TMTC1: variants seen among roughly 807,000 people sequenced by gnomAD.
The protein encoded by TMTC1 is transmembrane O-mannosyltransferase targeting cadherins 1.
Under a neutral mutation model 104.8 loss-of-function variants are expected in TMTC1, and 73 were observed. That is an observed-to-expected ratio of 0.70 (90% CI 0.58 to 0.85). The LOEUF is 0.85. TMTC1 is among the 40% of genes least tolerant of loss of function. The pLI is 0.00. For synonymous variants in TMTC1, 434 were observed against 428.7 expected (o/e 1.01, Z -0.15); for missense variants, 1,035 against 1,096.1 (o/e 0.94, Z 0.79).
In TMTC1 at chr12:29,556,955, C is replaced by T; in HGVS notation, c.1578G>A (p.Leu526=). The change falls in exon 10 of 18, where the codon CTG becomes CTA. Residue 526 remains leucine (L), a synonymous_variant. Transcript: ENST00000539277. ...TCTTTGCCTCTGCTGTGTCTCTCGT[C>T]AGTGTTCCAAGGTTGTTGAGCGCAC... ...HASALNNLGT[L]TRDTAEAKMY... 3 of 1,614,168 alleles carry T rather than the reference C, an allele frequency of 1.9e-6. No homozygotes were observed. Among genetic ancestry groups the T allele is most frequent in the Non-Finnish European group, 2.5e-6 (3 of 1,180,016 alleles).
intron 1 of TMTC1, among the ~76,000 whole-genome samples, chr12:29,772,859 A>T (rs1943625738): frequency 6.6e-6 from 1 of 152,166 alleles, no homozygotes; most frequent in Admixed American, 6.6e-5. Context: ...TTTTTCATAC[A>T]CTATAGGAAA....
intron 5 of TMTC1, among the ~76,000 whole-genome samples, chr12:29,701,157 C>G (rs79375559): frequency 0.055 from 8,408 of 151,928 alleles, 820 homozygotes; most frequent in African/African-American, 0.19. Flanking sequence ...TTTGAAACAC[C>G]AGCCCACAAG....
chr12:29,767,828 G>A (rs1428258340), intron 2 of TMTC1, 70 bp downstream of exon 2: 2 of 1,361,596 alleles, frequency 1.5e-6, no homozygotes, highest in East Asian at 2.4e-5. Flanking sequence ...ATATGTGTGT[G>A]TATACACGTA....
At chr12:29,640,716 G>A (rs1938801432) in intron 5 of TMTC1, 1 of 152,214 alleles carries the variant, frequency 6.6e-6, no homozygotes, top group Admixed American at 6.6e-5. Flanking sequence ...TACACAGAGA[G>A]AAGGAAATCT....
intron 5 of TMTC1, among the ~76,000 whole-genome samples, chr12:29,684,420 C>T (rs1050991839): frequency 6.6e-6 from 1 of 152,114 alleles, no homozygotes; most frequent in Admixed American, 6.5e-5. Context: ...TGACTATATA[C>T]ATCACATTTG....
intron 5 of TMTC1, among the ~76,000 whole-genome samples, chr12:29,719,890 T>G (rs1478663518): frequency 1.3e-5 from 2 of 152,202 alleles, no homozygotes; most frequent in African/African-American, 4.8e-5. Flanking sequence ...AGCTGCAGTA[T>G]TGCCAGAACA....
At chr12:29,753,539 G>C (rs1191216349) in intron 4 of TMTC1, among the ~76,000 whole-genome samples, 1 of 152,218 alleles carries the variant, frequency 6.6e-6, no homozygotes, top group Non-Finnish European at 1.5e-5. Context: ...GTAAAATGAG[G>C]ATAAAGATTG....
chr12:29,532,723 G>A (rs530084615), intron 11 of TMTC1: 8 of 151,808 alleles, frequency 5.3e-5, no homozygotes, highest in South Asian at 4.2e-4. Flanking sequence ...GGATGTATAC[G>A]TTATTTTCTC....
At chr12:29,735,086 A>C (rs898150665) in intron 5 of TMTC1, among the ~76,000 whole-genome samples, 30 of 152,362 alleles carry the variant, frequency 2.0e-4, no homozygotes, top group Non-Finnish European at 2.5e-4. Flanking sequence ...GGATTAGGTG[A>C]GCAGAGGTAA....
Position 29,633,271 on chromosome 12 carries a change from C to A in TMTC1, c.1004G>T (p.Cys335Phe). 6.2e-7 allele frequency: 1 copy of A among 1,613,904 alleles called. No homozygotes were observed. The highest frequency in any genetic ancestry group is 8.5e-7 in the Non-Finnish European group (1 of 1,179,958). The stretch of plus-strand genomic sequence containing the variant: ...AATACTGCCGACCTGCCAGTCATAG[C>A]ACAGGGTCACGGGTGCAAGCAGAAG... ...VWLLLAPVTL[C>F]YDWQVGSIPL... The change falls in exon 6 of 18, where the codon TGC (cysteine) becomes TTC (phenylalanine). Residue 335 changes from cysteine to phenylalanine, a missense_variant. Coordinates refer to ENST00000539277, the MANE Select transcript of TMTC1 (RefSeq NM_001193451.2).
intron 6 of TMTC1, among the ~76,000 whole-genome samples, chr12:29,617,534 A>AG (rs1565713063): frequency 7.1e-6 from 1 of 141,840 alleles, no homozygotes; most frequent in Non-Finnish European, 1.5e-5. Context: ...CAAAACAGAC[A>AG]ACAGAGAGAG....
chr12:29,633,832 G>A (rs561533953), intron 5 of TMTC1, among the ~76,000 whole-genome samples: 1 of 152,280 alleles, frequency 6.6e-6, no homozygotes, highest in Non-Finnish European at 1.5e-5. Flanking sequence ...TTGCTGACAA[G>A]GACAGCCAGG....
chr12:29,748,454 C>G (rs189542940), intron 5 of TMTC1, among the ~76,000 whole-genome samples: 1 of 152,214 alleles, frequency 6.6e-6, no homozygotes, highest in Admixed American at 6.5e-5. Context: ...GCTTAGCCCT[C>G]GCTCTGGACT....
intron 9 of TMTC1, 131 bp from the exon 10 acceptor site, chr12:29,557,131 T>G (rs1400543356): frequency 1.9e-6 from 2 of 1,052,588 alleles, no homozygotes; most frequent in Non-Finnish European, 1.4e-6. Context: ...TTGAATGGTT[T>G]GTGTCCAATC....
intron 5 of TMTC1, among the ~76,000 whole-genome samples, chr12:29,747,487 A>G (rs1020461485): frequency 2.0e-5 from 3 of 152,172 alleles, no homozygotes; most frequent in Non-Finnish European, 2.9e-5. Flanking sequence ...TTTTCCCTGT[A>G]TTAGATAACT....
chr12:29,753,792 C>T (rs145843864), intron 4 of TMTC1, among the ~76,000 whole-genome samples: 1,609 of 152,294 alleles, frequency 0.011, 14 homozygotes, highest in Non-Finnish European at 0.013. Flanking sequence ...ATGTGTTGAA[C>T]GGGTGGACAA....
intron 5 of TMTC1, among the ~76,000 whole-genome samples, chr12:29,726,424 C>T (rs1048667960): frequency 2.0e-5 from 3 of 152,116 alleles, no homozygotes; most frequent in Admixed American, 6.6e-5. Context: ...ATCTCCCAAT[C>T]TTAATATAAC....
chr12:29,691,902 C>T (rs902872276), intron 5 of TMTC1, among the ~76,000 whole-genome samples: 3 of 144,314 alleles, frequency 2.1e-5, no homozygotes, highest in Non-Finnish European at 4.5e-5. Flanking sequence ...TCGCACATCA[C>T]CTCTGTAAAA....
At chr12:29,522,402 G>C (rs1051013614) in intron 11 of TMTC1, among the ~76,000 whole-genome samples, 1 of 152,040 alleles carries the variant, frequency 6.6e-6, no homozygotes, top group African/African-American at 2.4e-5. Flanking sequence ...CAAAAATAAG[G>C]ATCCATGTCT....
Sources: allele counts gnomAD v4.1 joint callset (sites outside exome capture counted in the v4.1 genomes callset), GRCh38; gene constraint gnomAD v4.1.1; transcripts MANE v1.5; gene names NCBI Gene and HGNC (gene_info 2026-07-23, HGNC 2026-07-21).